The following LRIT3 variants were observed in gnomAD, a reference collection of about 807,000 sequenced individuals.
LRIT3 encodes the protein leucine-rich repeat, immunoglobulin-like domain and transmembrane domain-containing protein 3.
A neutral mutation model predicts 22.6 loss-of-function variants in LRIT3; 14 were observed. The ratio of observed to expected loss-of-function variants is 0.62; its 90% CI spans 0.41 to 0.97. The LOEUF is 0.97. Ranked by LOEUF, LRIT3 falls within the 50% of genes least tolerant of loss-of-function variation. The pLI, the probability that LRIT3 is intolerant of heterozygous loss-of-function variation, is 0.00. For synonymous variants in LRIT3, 306 were observed against 304.5 expected (o/e 1.01, Z -0.05); for missense variants, 783 against 803.0 (o/e 0.98, Z 0.30).
chr4:109,867,309 T>C (rs1242988368), intron 2 of LRIT3, among the ~76,000 whole-genome samples: 2 of 152,144 alleles, frequency 1.3e-5, no homozygotes, highest in African/African-American at 4.8e-5. Context: ...CTGAGCTTCA[T>C]CTTTAACATA....
Position 109,851,713 on chromosome 4 carries a change from A to T in LRIT3, c.326A>T (p.Glu109Val). Residue 109 changes from glutamate (E) to valine (V), a missense_variant, in exon 2 of 4, where the codon GAG (glutamate) becomes GTG (valine). Glu to Val is a moderately radical substitution (Grantham distance 121, BLOSUM62 -2). Transcript: ENST00000594814. ...SSFYNLKQLH[E>V]LRLDGNSLAA... is the part of the protein sequence containing the mutation. ...TTTTACAACCTGAAGCAACTGCATG[A>T]GTTGCGCTTGGATGGGAATTCTCTG... is the stretch of plus-strand genomic sequence containing the variant. 6.4e-7 allele frequency: 1 copy of T among 1,551,708 alleles called. No homozygotes were observed. Among genetic ancestry groups the T allele is most frequent in the Non-Finnish European group, 8.7e-7 (1 of 1,146,984 alleles).
chr4:109,862,244 G>T (rs776925497), intron 2 of LRIT3, among the ~76,000 whole-genome samples: 39 of 152,270 alleles, frequency 2.6e-4, no homozygotes, highest in Non-Finnish European at 3.5e-4. Context: ...CTTTTAGAAA[G>T]GATAAAGTTC....
Position 109,851,699 on chromosome 4 carries a change from G to GAAGC in LRIT3, c.315_318dup (p.Leu107AlafsTer4). On this transcript the variant is annotated frameshift_variant, in exon 2 of 4. Coordinates refer to ENST00000594814, the MANE Select transcript of LRIT3 (RefSeq NM_198506.5). LOFTEE classifies it high-confidence loss of function. ...TTGACCCCAGCAGCTTTTACAACCT[G>GAAGC]AAGCAACTGCATGAGTTGCGCTTGG... 6.4e-7 allele frequency: 1 copy of GAAGC among 1,551,694 alleles called. No homozygotes were observed.
chr4:109,859,682 C>T lies in LRIT3; in HGVS notation c.589+7706C>T, dbSNP rs1734488593. On this transcript the variant is annotated intron_variant, in intron 2 of 3. Transcript: ENST00000594814. ...CATGCATCCGTTTATAGGCTCTCCA[C>T]AAGGGTCACATTCCATTCCCAGAGC... is the stretch of plus-strand genomic sequence containing the variant. Among the ~76,000 whole-genome samples, 6 of 152,278 alleles carry T rather than the reference C, an allele frequency of 3.9e-5. No individual in the cohort carries two copies. In the South Asian group the frequency reaches 1.2e-3, roughly 32 times the overall value.
At position 109,851,985 on chromosome 4, in the gene LRIT3, G is replaced by C. The variant is rs1413115459; in HGVS notation, c.589+9G>C. The C allele has an allele frequency of 6.6e-7, 1 of 1,525,880 alleles. No individual in the cohort carries two copies. Among genetic ancestry groups the C allele is most frequent in the African/African-American group, 1.4e-5 (1 of 71,744 alleles). The allele number at this position is 1,525,880 out of a possible 1,614,324, so 94.5% of individuals were successfully genotyped here. ...AAGCAGGATTATTCTTGGTAAGCTC[G>C]CAAGCCTCTGGGCTTTTCATCTATA... On this transcript the variant is annotated intron_variant, in intron 2 of 3. Transcript: ENST00000594814.
At chr4:109,863,108 A>T (rs1212115129) in intron 2 of LRIT3, among the ~76,000 whole-genome samples, 1 of 152,236 alleles carries the variant, frequency 6.6e-6, no homozygotes, top group African/African-American at 2.4e-5. Flanking sequence ...TGCTAAAAAA[A>T]TCTGGGATGT....
intron 1 of LRIT3, among the ~76,000 whole-genome samples, chr4:109,849,449 C>T (rs1734154644): frequency 6.6e-6 from 1 of 152,078 alleles, no homozygotes; most frequent in African/African-American, 2.4e-5. Flanking sequence ...CTAGTTCAAC[C>T]CCTTGTCAGT....
intron 2 of LRIT3, among the ~76,000 whole-genome samples, chr4:109,860,214 T>C (rs1734501798): frequency 6.6e-6 from 1 of 151,960 alleles, no homozygotes; most frequent in African/African-American, 2.4e-5. Flanking sequence ...ATAAAATGCT[T>C]TTTTTTTGGG....
At position 109,870,071 on chromosome 4, in the gene LRIT3, C is replaced by T. The variant is rs1256082841; in HGVS notation, c.1322C>T (p.Ser441Leu). The T allele has an allele frequency of 2.5e-6, 4 of 1,614,180 alleles. No homozygotes were observed. Among genetic ancestry groups the T allele is most frequent in the Non-Finnish European group, 3.4e-6 (4 of 1,180,022 alleles). ...SASTTMANKR[S>L]FQLHQGGKRN... ...AGTACCACCATGGCCAACAAGCGAT[C>T]ATTCCAGCTCCACCAAGGTGGGAAA... Residue 441 changes from serine (S) to leucine (L), a missense_variant, in exon 4 of 4, where the codon TCA becomes TTA. Around this residue, in one of 2 missense-constraint regions of LRIT3, gnomAD observed 756 missense variants for 753.8 expected, o/e 1.00. Transcript: ENST00000594814.
rs533626489 is a variant in LRIT3, at chr4:109,870,633, A to G, written c.1884A>G (p.Gln628=). The change falls in exon 4 of 4, where the codon CAA becomes CAG. Residue 628 remains glutamine (Q), a synonymous_variant. Transcript: ENST00000594814. Reference sequence around the variant, plus strand: ...ATTTGGCAAAGGAGACTTATATCCAATTTGAGACCCTGTTTCCCAGGTCTC... The same window carrying G: ...ATTTGGCAAAGGAGACTTATATCCAGTTTGAGACCCTGTTTCCCAGGTCTC... ...EDDLAKETYI[Q]FETLFPRSQS... The G allele has an allele frequency of 5.6e-6, 9 of 1,614,118 alleles. No individual in the cohort carries two copies. In the East Asian group the frequency reaches 1.1e-4, roughly 20 times the overall value.
chr4:109,867,901 C>A lies in LRIT3; in HGVS notation c.850C>A (p.Gln284Lys). The change falls in exon 3 of 4, where the codon CAG (glutamine) becomes AAG (lysine). Residue 284 changes from glutamine to lysine, a missense_variant. Coordinates refer to ENST00000594814, the MANE Select transcript of LRIT3 (RefSeq NM_198506.5). ...RCDATGFPTPQITWTRSDSSP... is the reference protein window; with the variant it reads ...RCDATGFPTPKITWTRSDSSP... Reference sequence around the variant, plus strand: ...TGATGCCACTGGCTTCCCCACCCCACAGATCACATGGACCAGATCTGACAG... The same window carrying A: ...TGATGCCACTGGCTTCCCCACCCCAAAGATCACATGGACCAGATCTGACAG... The A allele has an allele frequency of 1.2e-6, 2 of 1,613,780 alleles. No homozygotes were observed. The highest frequency in any genetic ancestry group is 1.7e-6 in the Non-Finnish European group (2 of 1,180,004).
In LRIT3 at chr4:109,864,979, T is replaced by A; in HGVS notation, c.590-2662T>A. On this transcript the variant is annotated intron_variant, in intron 2 of 3. Coordinates refer to ENST00000594814, the MANE Select transcript of LRIT3 (RefSeq NM_198506.5). ...CCACAGATTATCTTTAGCACCTCAA[T>A]CAATAGAGATAAAAATGTTACAAAT... 3 of 983,594 alleles carry A rather than the reference T, an allele frequency of 3.1e-6. No homozygotes were observed. The East Asian group carries it at 9.2e-5, about 30-fold the overall frequency. 60.9% of individuals were successfully genotyped at this position (983,594 alleles called of 1,614,324 possible).
At position 109,848,291 on chromosome 4, in the gene LRIT3, C is replaced by T. The variant is rs371982399; in HGVS notation, c.90C>T (p.His30=). The T allele has an allele frequency of 6.5e-6, 8 of 1,231,858 alleles. No homozygotes were observed. Among genetic ancestry groups the T allele is most frequent in the East Asian group, 3.2e-5 (1 of 31,696 alleles). The allele number at this position is 1,231,858 out of a possible 1,614,324, so 76.3% of individuals were successfully genotyped here. A position where few individuals can be genotyped will look rare whatever the true frequency, so the allele number is the denominator to read the frequency against. Residue 30 remains histidine, a synonymous_variant, in exon 1 of 4, where the codon CAC becomes CAT. Transcript: ENST00000594814. ...LCPSQCTCDY[H]GRNDGSGSRL... ...CTTCACAGTGCACCTGTGATTATCA[C>T]GGCAGAAATGACGGCTCAGGATCAA... is the stretch of plus-strand genomic sequence containing the variant.
chr4:109,852,604 A>T (rs777498232), intron 2 of LRIT3, among the ~76,000 whole-genome samples: 1 of 151,396 alleles, frequency 6.6e-6, no homozygotes, highest in Non-Finnish European at 1.5e-5. Context: ...GGTTCTTTTT[A>T]TTATTATTAT....
At chr4:109,868,036 AAC>A in intron 3 of LRIT3, 90 bp downstream of exon 3, 1 of 1,295,718 alleles carries the variant, frequency 7.7e-7, no homozygotes, top group East Asian at 2.3e-5. Flanking sequence ...TTAGCTAGTT[AAC>A]ACTAATAAAA....
At chr4:109,857,422 A>G (rs199755361) in intron 2 of LRIT3, among the ~76,000 whole-genome samples, 1 of 152,108 alleles carries the variant, frequency 6.6e-6, no homozygotes, top group Admixed American at 6.6e-5. Flanking sequence ...ATAGTAGTGT[A>G]AATCAATCTG....
chr4:109,855,705 C>T lies in LRIT3; in HGVS notation c.589+3729C>T, dbSNP rs541416111. Among the ~76,000 whole-genome samples, 4 of 152,316 alleles carry T rather than the reference C, an allele frequency of 2.6e-5. No homozygotes were observed. In the East Asian group the frequency reaches 7.7e-4, roughly 29 times the overall value. ...GCTATAAATTTCGCTCTACACACTG[C>T]TTTAAATGTGTCCCAGAGATTCTGG... On this transcript the variant is annotated intron_variant, in intron 2 of 3. Transcript: ENST00000594814.
chr4:109,850,401 TCCTTCCTTCCTTC>T (rs1560588806), intron 1 of LRIT3, among the ~76,000 whole-genome samples: 5 of 2,182 alleles, frequency 2.3e-3, no homozygotes, highest in Non-Finnish European at 5.8e-3. Flanking sequence ...CTTCCTTCCT[TCCTTCCTTCCTTC>T]CTTCCTTCCT....
At position 109,851,545 on chromosome 4, in the gene LRIT3, C is replaced by T. The variant is rs181200721; in HGVS notation, c.158C>T (p.Thr53Met). Reference protein sequence around the residue: ...CNDMDMNELPTNLPVDTVKLR... With the variant: ...CNDMDMNELPMNLPVDTVKLR... Reference sequence around the variant, plus strand: ...GACATGGATATGAACGAGCTGCCTACGAACCTCCCCGTGGACACTGTGAAG... The same window carrying T: ...GACATGGATATGAACGAGCTGCCTATGAACCTCCCCGTGGACACTGTGAAG... The change falls in exon 2 of 4, where the codon ACG (threonine) becomes ATG (methionine). Residue 53 changes from threonine (T) to methionine (M), a missense_variant. Thr to Met is a moderately conservative substitution (Grantham distance 81, BLOSUM62 -1). Transcript: ENST00000594814. 687 of 1,550,346 alleles carry T rather than the reference C, an allele frequency of 4.4e-4. 2 individuals are homozygous for T. In the African/African-American group the frequency reaches 6.8e-3, roughly 15 times the overall value.
Sources: gnomAD v4.1 joint callset for allele counts (sites outside exome capture counted in the v4.1 genomes callset) on GRCh38, gnomAD v4.1.1 for gene constraint, gnomAD v4.1.1 regional missense constraint, MANE v1.5 for transcripts, NCBI Gene and HGNC (gene_info 2026-07-23, HGNC 2026-07-21) for gene names.